Variants in ABCA13 observed in about 807,000 individuals in gnomAD.
ABCA13 encodes ATP-binding cassette sub-family A member 13.
In ABCA13, 476 loss-of-function variants were observed where a neutral mutation model predicts 478.7. The observed-to-expected ratio is 0.99, with a 90% CI of 0.92 to 1.07. ABCA13 has a LOEUF of 1.07. Ranked by LOEUF, ABCA13 falls within the 50% of genes least tolerant of loss-of-function variation. ABCA13 has a pLI of 0.00. For missense variants in ABCA13, 6,060 were observed against 5,910.6 expected (o/e 1.03, Z -0.83); for synonymous variants, 2,252 against 2,158.9 (o/e 1.04, Z -1.20).
In ABCA13 at chr7:48,319,765, A is replaced by G. The variant is rs982357004; in HGVS notation, c.9999+2469A>G. Among the ~76,000 whole-genome samples, 41 of 151,846 alleles carry G rather than the reference A, an allele frequency of 2.7e-4. 1 individual carries two copies. Among genetic ancestry groups the G allele is most frequent in the East Asian group, 1.9e-4 (1 of 5,172 alleles). On this transcript the variant is annotated intron_variant, in intron 27 of 61. Coordinates refer to ENST00000435803, the MANE Select transcript of ABCA13 (RefSeq NM_152701.5). ...CTGGATTTTGGTCCCCCTTTTCCTA[A>G]CTCTCTGTGACCTTGGGCTTATTGC...
chr7:48,236,357 A>C (rs1789949872), intron 8 of ABCA13, among the ~76,000 whole-genome samples: 1 of 152,160 alleles, frequency 6.6e-6, no homozygotes, highest in African/African-American at 2.4e-5. Context: ...TATAAATCTA[A>C]ATTTCCTTTA....
chr7:48,313,215 C>A lies in ABCA13; in HGVS notation c.9665C>A (p.Thr3222Asn). ...HTFKITALLE[T>N]LDFQQVSQNV... Reference sequence around the variant, plus strand: ...TTTAAAATCACTGCCTTGCTAGAAACCCTGGACTTTCAACAGGTGTGTGTT... The same window carrying A: ...TTTAAAATCACTGCCTTGCTAGAAAACCTGGACTTTCAACAGGTGTGTGTT... Residue 3222 changes from threonine (T) to asparagine (N), a missense_variant, in exon 25 of 62, where the codon ACC (threonine) becomes AAC (asparagine). Around this residue, in one of 3 missense-constraint regions of ABCA13, gnomAD observed 4,423 missense variants for 4,309.1 expected, o/e 1.03. Coordinates refer to ENST00000435803, the MANE Select transcript of ABCA13 (RefSeq NM_152701.5). 1 of 1,611,050 alleles carries A rather than the reference C, an allele frequency of 6.2e-7. No individual in the cohort carries two copies. Among genetic ancestry groups the A allele is most frequent in the South Asian group, 1.1e-5 (1 of 90,358 alleles).
intron 42 of ABCA13, among the ~76,000 whole-genome samples, chr7:48,437,322 T>C (rs551122058): frequency 2.0e-5 from 3 of 152,200 alleles, no homozygotes; most frequent in East Asian, 3.9e-4. Flanking sequence ...TTCTATCTGA[T>C]ATTAGAATAG....
At chr7:48,376,184 A>G (rs1188659927) in intron 34 of ABCA13, among the ~76,000 whole-genome samples, 1 of 152,222 alleles carries the variant, frequency 6.6e-6, no homozygotes, top group Admixed American at 6.5e-5. Flanking sequence ...GATATGAGTA[A>G]GGTGACCTTT....
chr7:48,533,303 T>A (rs1356338001), intron 55 of ABCA13, among the ~76,000 whole-genome samples: 1 of 152,102 alleles, frequency 6.6e-6, no homozygotes. Flanking sequence ...ATTTGCATGG[T>A]TTTGAGGGTT....
chr7:48,630,128 G>T (rs1289747808), intron 59 of ABCA13, among the ~76,000 whole-genome samples: 2 of 151,872 alleles, frequency 1.3e-5, no homozygotes, highest in Non-Finnish European at 2.9e-5. Flanking sequence ...ATAATATCCT[G>T]TCAGTATTTC....
At chr7:48,616,572 T>C (rs933249893) in intron 59 of ABCA13, among the ~76,000 whole-genome samples, 3 of 152,216 alleles carry the variant, frequency 2.0e-5, no homozygotes, top group African/African-American at 7.2e-5. Flanking sequence ...GCATTCTACA[T>C]ACTGGAAAAT....
At chr7:48,388,564 G>A (rs1035549769) in intron 36 of ABCA13, among the ~76,000 whole-genome samples, 3 of 152,188 alleles carry the variant, frequency 2.0e-5, no homozygotes, top group Non-Finnish European at 4.4e-5. Context: ...GCATCACTCA[G>A]AGATAAACAA....
chr7:48,245,120 G>T (rs1189199942), intron 11 of ABCA13, among the ~76,000 whole-genome samples: 5 of 152,200 alleles, frequency 3.3e-5, no homozygotes, highest in African/African-American at 1.2e-4. Context: ...GGTAGGGAGA[G>T]TGTGTTCCCC....
Position 48,271,834 on chromosome 7 carries a change from A to T in ABCA13, c.2168A>T (p.His723Leu). 2 of 1,566,068 alleles carry T rather than the reference A, an allele frequency of 1.3e-6. No homozygotes were observed. Among genetic ancestry groups the T allele is most frequent in the Non-Finnish European group, 1.7e-6 (2 of 1,154,920 alleles). Residue 723 changes from histidine (H) to leucine (L), a missense_variant, in exon 17 of 62, where the codon CAC (histidine) becomes CTC (leucine). His to Leu is a moderately conservative substitution (Grantham distance 99). This residue lies in a region of ABCA13 where 4,423 missense variants were observed against 4,309.1 expected (regional missense o/e 1.03). Coordinates refer to ENST00000435803, the MANE Select transcript of ABCA13 (RefSeq NM_152701.5). The part of the protein sequence containing the change: ...KHLLMMEKKL[H>L]TLEDEQMNFL... ...CTTCTAATGATGGAAAAGAAGTTGC[A>T]CACCCTTGAGGATGAACAAATGAAC...
chr7:48,338,398 G>A lies in ABCA13; in HGVS notation c.10147G>A (p.Val3383Ile). 6.2e-7 allele frequency: 1 copy of A among 1,602,622 alleles called. No individual in the cohort carries two copies. Among genetic ancestry groups the A allele is most frequent in the Non-Finnish European group, 8.5e-7 (1 of 1,174,212 alleles). ...ALRNKFVRNF[V>I]ENQLHIDVDK... is the part of the protein sequence containing the mutation. Reference sequence around the variant, plus strand: ...GAGAAACAAATTTGTAAGAAACTTTGTAGAAAACCAGTTGCACATTGATGT... The same window carrying A: ...GAGAAACAAATTTGTAAGAAACTTTATAGAAAACCAGTTGCACATTGATGT... Residue 3383 changes from valine to isoleucine, a missense_variant, in exon 29 of 62, where the codon GTA becomes ATA. Around this residue, in one of 3 missense-constraint regions of ABCA13, gnomAD observed 4,423 missense variants for 4,309.1 expected, o/e 1.03. Coordinates refer to ENST00000435803, the MANE Select transcript of ABCA13 (RefSeq NM_152701.5).
intron 48 of ABCA13, among the ~76,000 whole-genome samples, chr7:48,492,130 C>G (rs1236874902): frequency 6.6e-6 from 1 of 152,142 alleles, no homozygotes; most frequent in Non-Finnish European, 1.5e-5. Context: ...CAGGCTGGCC[C>G]TTTCTCTCTA....
chr7:48,318,636 T>TA lies in ABCA13; in HGVS notation c.9999+1341dup, dbSNP rs370463492. 4.9e-4 allele frequency among the ~76,000 whole-genome samples: 75 copies of TA among 152,116 alleles called. 1 individual carries two copies. Among genetic ancestry groups the TA allele is most frequent in the African/African-American group, 1.6e-3 (65 of 41,506 alleles). On this transcript the variant is annotated intron_variant, in intron 27 of 61. Transcript: ENST00000435803. Reference sequence around the variant, plus strand: ...ACATGGAACGACATTGATCTCCGTATATCCTCAGTGTGAGCTGTTCTGTTG... The same window carrying TA: ...ACATGGAACGACATTGATCTCCGTATAATCCTCAGTGTGAGCTGTTCTGTTG...
intron 48 of ABCA13, among the ~76,000 whole-genome samples, chr7:48,489,944 AGAAAG>A (rs1303888877): frequency 6.6e-6 from 1 of 152,202 alleles, no homozygotes; most frequent in Non-Finnish European, 1.5e-5. Flanking sequence ...TCTTTTTTAA[AGAAAG>A]GAAAGAAACA....
At chr7:48,417,481 A>G (rs1382406411) in intron 41 of ABCA13, among the ~76,000 whole-genome samples, 1 of 152,228 alleles carries the variant, frequency 6.6e-6, no homozygotes. Flanking sequence ...AATCTGGACA[A>G]ATCACTTAGA....
chr7:48,607,995 C>G (rs990141996), intron 58 of ABCA13, among the ~76,000 whole-genome samples: 5 of 152,200 alleles, frequency 3.3e-5, no homozygotes, highest in African/African-American at 9.7e-5. Flanking sequence ...ATTCTCCTGC[C>G]TTAGCCTCCC....
intron 24 of ABCA13, among the ~76,000 whole-genome samples, chr7:48,312,802 G>A (rs2128886398): frequency 6.6e-6 from 1 of 152,280 alleles, no homozygotes; most frequent in African/African-American, 2.4e-5. Flanking sequence ...GAAATATTTG[G>A]CAAATGATTT....
intron 5 of ABCA13, among the ~76,000 whole-genome samples, chr7:48,226,287 C>T (rs1449964435): frequency 6.6e-6 from 1 of 152,006 alleles, no homozygotes; most frequent in Non-Finnish European, 1.5e-5. Flanking sequence ...TGAAGTCATG[C>T]CGAAAAGCAT....
At chr7:48,233,335 C>A (rs1248491235) in intron 7 of ABCA13, among the ~76,000 whole-genome samples, 1 of 152,170 alleles carries the variant, frequency 6.6e-6, no homozygotes, top group African/African-American at 2.4e-5. Context: ...AAGATTCAAA[C>A]ACACCAAGAA....
Sources: allele counts gnomAD v4.1 joint callset (sites outside exome capture counted in the v4.1 genomes callset), GRCh38; gene constraint gnomAD v4.1.1; regional missense constraint gnomAD v4.1.1; transcripts MANE v1.5; gene names NCBI Gene and HGNC (gene_info 2026-07-23, HGNC 2026-07-21).